CEP170: variants seen among roughly 807,000 people sequenced by gnomAD.
CEP170 encodes the protein centrosomal protein 170.
Under a neutral mutation model 151.9 loss-of-function variants are expected in CEP170, and 21 were observed. That is an observed-to-expected ratio of 0.14 (90% CI 0.10 to 0.20). The LOEUF is 0.20. Among genes scored for constraint, CEP170 ranks in the 10% least tolerant of loss-of-function variants. CEP170 has a pLI of 1.00. For synonymous variants in CEP170, 356 were observed against 648.8 expected (o/e 0.55, Z 6.86); for missense variants, 964 against 1,892.9 (o/e 0.51, Z 9.11).
At chr1:243,182,697 C>T (rs1158298818) in intron 10 of CEP170, among the ~76,000 whole-genome samples, 1 of 152,154 alleles carries the variant, frequency 6.6e-6, no homozygotes, top group Non-Finnish European at 1.5e-5. Flanking sequence ...GTCATGTGTG[C>T]TCCTGTGCTT....
At chr1:243,196,018 A>G (rs1271093026) in intron 7 of CEP170, among the ~76,000 whole-genome samples, 1 of 152,112 alleles carries the variant, frequency 6.6e-6, no homozygotes, top group African/African-American at 2.4e-5. Context: ...GCTTTTGGTC[A>G]TCTAGCAGAA....
intron 4 of CEP170, chr1:243,211,270 C>T (rs1240606253): frequency 1.3e-5 from 2 of 151,950 alleles, no homozygotes; most frequent in Non-Finnish European, 2.9e-5. Context: ...TCACGCTGCC[C>T]CATGCAGTTT....
At position 243,185,500 on chromosome 1, in the gene CEP170, A is replaced by G. The variant is rs1384772060; in HGVS notation, c.1566+279T>C. On this transcript the variant is annotated intron_variant, in intron 10 of 19. Coordinates refer to ENST00000366542, the MANE Select transcript of CEP170 (RefSeq NM_014812.3). The surrounding 1 kb of genome is among the most constrained non-coding windows in gnomAD (Gnocchi z 4.9). ...AAAGCAAGAATGTCCAAAGCATACTATTTTTAAAACCTATCTTTAATTTAC... is the reference window on the plus strand; with the variant it reads ...AAAGCAAGAATGTCCAAAGCATACTGTTTTTAAAACCTATCTTTAATTTAC... Among the ~76,000 whole-genome samples, 1 of 152,242 alleles carries G rather than the reference A, an allele frequency of 6.6e-6. No individual in the cohort carries two copies. The highest frequency in any genetic ancestry group is 1.5e-5 in the Non-Finnish European group (1 of 68,042).
chr1:243,167,703 T>C (rs925725180), intron 12 of CEP170, among the ~76,000 whole-genome samples: 1 of 151,764 alleles, frequency 6.6e-6, no homozygotes, highest in African/African-American at 2.4e-5. Context: ...ATCAATACAA[T>C]GGATGTGATG....
intron 1 of CEP170, among the ~76,000 whole-genome samples, chr1:243,243,884 C>T (rs2065105379): frequency 6.6e-6 from 1 of 151,942 alleles, no homozygotes; most frequent in Admixed American, 6.6e-5. Flanking sequence ...GCCCTACCCC[C>T]AAAAGGAATA....
chr1:243,127,861 G>A (rs2053888731), intron 19 of CEP170, among the ~76,000 whole-genome samples: 1 of 152,116 alleles, frequency 6.6e-6, no homozygotes, highest in South Asian at 2.1e-4. Context: ...CTATTAGAAT[G>A]TAAGTTTGTT....
At chr1:243,237,876 G>A (rs542627987) in intron 1 of CEP170, among the ~76,000 whole-genome samples, 181 of 152,232 alleles carry the variant, frequency 1.2e-3, no homozygotes, top group Admixed American at 4.4e-3. Flanking sequence ...CTGCACTCCA[G>A]CCTGGGCAAC....
At chr1:243,163,959 A>C (rs2058259496) in intron 13 of CEP170, among the ~76,000 whole-genome samples, 1 of 152,310 alleles carries the variant, frequency 6.6e-6, no homozygotes, top group East Asian at 1.9e-4. Flanking sequence ...CTTCCAGATA[A>C]TTTAATTTTG....
At chr1:243,212,630 A>G (rs1177605919) in intron 3 of CEP170, among the ~76,000 whole-genome samples, 1 of 152,218 alleles carries the variant, frequency 6.6e-6, no homozygotes, top group African/African-American at 2.4e-5. Flanking sequence ...AAAGAATAAC[A>G]GAAGCAATAA....
At chr1:243,215,864 G>A (rs191231966) in intron 3 of CEP170, among the ~76,000 whole-genome samples, 63 of 152,128 alleles carry the variant, frequency 4.1e-4, no homozygotes, top group African/African-American at 1.4e-3. Context: ...ACCTGCTGAC[G>A]TGATGTCTCC....
intron 2 of CEP170, among the ~76,000 whole-genome samples, chr1:243,223,670 A>G (rs986165257): frequency 2.6e-5 from 4 of 152,134 alleles, no homozygotes; most frequent in African/African-American, 7.2e-5. Context: ...TGCCATTACA[A>G]CTCTGGGGAT....
intron 7 of CEP170, among the ~76,000 whole-genome samples, chr1:243,198,827 T>C (rs1158831022): frequency 6.6e-6 from 1 of 151,532 alleles, no homozygotes; most frequent in Non-Finnish European, 1.5e-5. Context: ...CTGTAAAAAA[T>C]ATTTTAAATA....
Position 243,140,012 on chromosome 1 carries a change from A to C in CEP170, c.4155T>G (p.Gly1385=), listed in dbSNP as rs2055636997. The part of the protein sequence containing the change: ...KTPEGNNGRS[G]DPRPQAAEPP... ...GCTCTGCTGCTTGAGGTCTTGGATC[A>C]CCAGATCGACCGTTGTTTCCTTCTG... Residue 1385 remains glycine (G), a synonymous_variant, in exon 16 of 20, where the codon GGT becomes GGG. Coordinates refer to ENST00000366542, the MANE Select transcript of CEP170 (RefSeq NM_014812.3). 1 of 1,613,840 alleles carries C rather than the reference A, an allele frequency of 6.2e-7. No individual in the cohort carries two copies. The highest frequency in any genetic ancestry group is 8.5e-7 in the Non-Finnish European group (1 of 1,179,874).
chr1:243,245,054 T>C (rs2065239394), intron 1 of CEP170, among the ~76,000 whole-genome samples: 1 of 152,108 alleles, frequency 6.6e-6, no homozygotes, highest in African/African-American at 2.4e-5. Flanking sequence ...ACCCAAAAGT[T>C]GTTATAAGTG....
intron 3 of CEP170, among the ~76,000 whole-genome samples, chr1:243,216,869 C>A (rs1333579460): frequency 6.6e-6 from 1 of 152,164 alleles, no homozygotes; most frequent in Admixed American, 6.5e-5. Context: ...AAAATGAAGA[C>A]TTCAGTGTTT....
intron 12 of CEP170, among the ~76,000 whole-genome samples, chr1:243,167,516 C>T (rs2058525907): frequency 6.7e-6 from 1 of 150,348 alleles, no homozygotes; most frequent in African/African-American, 2.4e-5. Context: ...ATTTTCCTGA[C>T]TATTAAAAAT....
intron 4 of CEP170, among the ~76,000 whole-genome samples, chr1:243,209,266 C>G (rs1572304207): frequency 2.0e-5 from 3 of 151,628 alleles, no homozygotes; most frequent in African/African-American, 7.3e-5. Flanking sequence ...CTCACTGCAA[C>G]CTCCGCCTCC....
chr1:243,234,395 A>G (rs2064074184), intron 1 of CEP170, among the ~76,000 whole-genome samples: 1 of 152,222 alleles, frequency 6.6e-6, no homozygotes, highest in African/African-American at 2.4e-5. Context: ...TGTTTCCTGA[A>G]AGAATAAATC....
At position 243,233,375 on chromosome 1, in the gene CEP170, G is replaced by C. The variant is rs142471445; in HGVS notation, c.-41-8054C>G. ...ACATGAAACAAAGAAAAACTCTGCAGCTATTGAGCAGAGCACACAGCTTCA... is the reference window on the plus strand; with the variant it reads ...ACATGAAACAAAGAAAAACTCTGCACCTATTGAGCAGAGCACACAGCTTCA... On this transcript the variant is annotated intron_variant, in intron 1 of 19. Transcript: ENST00000366542. Among the ~76,000 whole-genome samples the C allele has an allele frequency of 1.6e-4, 24 of 151,950 alleles. No individual in the cohort carries two copies. The East Asian group carries it at 4.3e-3, about 27-fold the overall frequency.
Sources: gnomAD v4.1 joint callset for allele counts (sites outside exome capture counted in the v4.1 genomes callset) on GRCh38, gnomAD v4.1.1 for gene constraint, Gnocchi (gnomAD v3.1) non-coding constraint, MANE v1.5 for transcripts, NCBI Gene and HGNC (gene_info 2026-07-23, HGNC 2026-07-21) for gene names.